ZNF451: variants seen among roughly 807,000 people sequenced by gnomAD.
The protein encoded by ZNF451 is zinc finger protein 451.
In ZNF451, 80 loss-of-function variants were observed where a neutral mutation model predicts 107.1. The observed-to-expected ratio is 0.75, with a 90% CI of 0.62 to 0.90. The LOEUF is 0.90. Among genes scored for constraint, ZNF451 ranks in the 40% least tolerant of loss-of-function variants. The probability of loss-of-function intolerance (pLI) is 0.00; values close to 1 mark genes in which losing one functional copy is unlikely to be tolerated. For synonymous variants in ZNF451, 362 were observed against 406.5 expected (o/e 0.89, Z 1.32); for missense variants, 1,107 against 1,236.2 (o/e 0.90, Z 1.57).
At chr6:57,141,889 A>G in intron 8 of ZNF451, 59 bp from the exon 9 acceptor site, 1 of 1,456,448 alleles carries the variant, frequency 6.9e-7, no homozygotes, top group Admixed American at 1.8e-5. Context: ...GAGGGGAGGA[A>G]GGTTGGGTTA....
intron 3 of ZNF451, among the ~76,000 whole-genome samples, chr6:57,111,415 C>T (rs1830109658): frequency 6.6e-6 from 1 of 150,492 alleles, no homozygotes; most frequent in Non-Finnish European, 1.5e-5. Flanking sequence ...GAGTCTCACT[C>T]TGTCGCTGAG....
chr6:57,157,278 T>C (rs1365765244), intron 13 of ZNF451, among the ~76,000 whole-genome samples: 3 of 152,212 alleles, frequency 2.0e-5, no homozygotes, highest in Non-Finnish European at 2.9e-5. Flanking sequence ...AATATTGTTA[T>C]CAGAATCGAT....
chr6:57,099,843 G>A (rs918454407), intron 3 of ZNF451, among the ~76,000 whole-genome samples: 17 of 152,184 alleles, frequency 1.1e-4, no homozygotes, highest in Non-Finnish European at 2.1e-4. Context: ...GTTCAGAGTG[G>A]CCACAAACTT....
In ZNF451 at chr6:57,148,428, TGAG is replaced by T. The variant is rs771994889; in HGVS notation, c.2350_2352del (p.Glu784del). 15 of 1,613,912 alleles carry T rather than the reference TGAG, an allele frequency of 9.3e-6. 2 individuals carry two copies. In the South Asian group the frequency reaches 1.1e-4, roughly 12 times the overall value. On this transcript the variant is annotated inframe_deletion, in exon 10 of 15. Coordinates refer to ENST00000370706, the MANE Select transcript of ZNF451 (RefSeq NM_001031623.3). ...ATCAAGTGCACAAAGAAAAGAGTGA[TGAG>T]GAGGAGCAGCAGTATGTAATCAAGT...
intron 3 of ZNF451, chr6:57,105,596 C>T: frequency 1.0e-6 from 1 of 985,332 alleles, no homozygotes. Context: ...AGTATACCTC[C>T]CTCCCCCTTA....
chr6:57,119,513 G>C (rs2127955519), intron 3 of ZNF451, among the ~76,000 whole-genome samples: 1 of 152,256 alleles, frequency 6.6e-6, no homozygotes, highest in South Asian at 2.1e-4. Context: ...GACAGAGCAA[G>C]ACTCCGTCTC....
In ZNF451 at chr6:57,124,812, G is replaced by A. The variant is rs1485015061; in HGVS notation, c.265G>A (p.Val89Ile). Residue 89 changes from valine (V) to isoleucine (I), a missense_variant, in exon 4 of 15, where the codon GTT (valine) becomes ATT (isoleucine). Around this residue, in one of 5 missense-constraint regions of ZNF451, gnomAD observed 339 missense variants for 372.8 expected, o/e 0.91. Transcript: ENST00000370706. Reference sequence around the variant, plus strand: ...AACTCTGGCTCGTCTAGCCCGCCATGTTGAAGTGGAGAAACAGCAGAAAGA... The same window carrying A: ...AACTCTGGCTCGTCTAGCCCGCCATATTGAAGTGGAGAAACAGCAGAAAGA... ...ALTLARLARHVEVEKQQKEEK... is the reference protein window; with the variant it reads ...ALTLARLARHIEVEKQQKEEK... The A allele has an allele frequency of 1.2e-6, 2 of 1,611,690 alleles. No homozygotes were observed. The highest frequency in any genetic ancestry group is 1.7e-6 in the Non-Finnish European group (2 of 1,178,500).
intron 2 of ZNF451, among the ~76,000 whole-genome samples, chr6:57,093,818 T>A (rs1231961624): frequency 6.6e-6 from 1 of 152,226 alleles, no homozygotes; most frequent in East Asian, 1.9e-4. Flanking sequence ...TGTTGTTTTT[T>A]AAGGTGGGAG....
chr6:57,158,930 G>T (rs1160945643), intron 13 of ZNF451: 1 of 985,292 alleles, frequency 1.0e-6, no homozygotes, highest in Non-Finnish European at 1.2e-6. Flanking sequence ...CTTACATATA[G>T]AGCATAAACA....
chr6:57,164,850 A>C (rs1763826843), intron 14 of ZNF451: 1 of 152,210 alleles, frequency 6.6e-6, no homozygotes. Context: ...GGGAACACAG[A>C]GCTAGCCACA....
chr6:57,101,793 C>T (rs1562589806), intron 3 of ZNF451: 3 of 1,550,508 alleles, frequency 1.9e-6, no homozygotes, highest in Admixed American at 2.0e-5. Context: ...GACGGCAGGC[C>T]TGGCTTCGAC....
intron 10 of ZNF451, among the ~76,000 whole-genome samples, 169 bp downstream of exon 10, chr6:57,148,862 C>T (rs1486200407): frequency 6.6e-6 from 1 of 152,134 alleles, no homozygotes; most frequent in Non-Finnish European, 1.5e-5. Flanking sequence ...CATTTATCCA[C>T]TTTCTAAACT....
intron 3 of ZNF451, among the ~76,000 whole-genome samples, chr6:57,100,031 T>C (rs779699526): frequency 9.9e-5 from 15 of 152,208 alleles, no homozygotes; most frequent in Admixed American, 8.5e-4. Flanking sequence ...TGAAATGAGG[T>C]AACAAATTAT....
chr6:57,100,946 A>C (rs958561394), intron 3 of ZNF451: 13 of 1,551,064 alleles, frequency 8.4e-6, no homozygotes, highest in Non-Finnish European at 1.1e-5. Flanking sequence ...GCTTCACAGC[A>C]TGGACGGGAT....
intron 7 of ZNF451, among the ~76,000 whole-genome samples, chr6:57,140,195 A>G (rs1472157788): frequency 1.3e-5 from 2 of 152,224 alleles, no homozygotes; most frequent in Admixed American, 1.3e-4. Flanking sequence ...AAAAATTCAC[A>G]TAAGAACACA....
At chr6:57,122,149 C>G (rs1268908583) in intron 3 of ZNF451, among the ~76,000 whole-genome samples, 5 of 152,116 alleles carry the variant, frequency 3.3e-5, no homozygotes, top group African/African-American at 9.7e-5. Flanking sequence ...ATACTCTATT[C>G]AATAAATGAT....
intron 3 of ZNF451, chr6:57,105,679 T>G: frequency 2.0e-6 from 2 of 985,422 alleles, no homozygotes; most frequent in Non-Finnish European, 2.4e-6. Context: ...AAGGCAGCTT[T>G]GTTTTCTATA....
At chr6:57,111,433 T>C (rs1370207974) in intron 3 of ZNF451, among the ~76,000 whole-genome samples, 1 of 151,386 alleles carries the variant, frequency 6.6e-6, no homozygotes, top group Non-Finnish European at 1.5e-5. Flanking sequence ...GAGGCTAGAG[T>C]GCAGTGGTGC....
intron 5 of ZNF451, among the ~76,000 whole-genome samples, chr6:57,131,750 A>G (rs1370332915): frequency 2.0e-5 from 3 of 152,214 alleles, no homozygotes; most frequent in Non-Finnish European, 2.9e-5. Flanking sequence ...TTTGTAGAAA[A>G]TTCAATAAAG....
Sources: allele counts gnomAD v4.1 joint callset (sites outside exome capture counted in the v4.1 genomes callset), GRCh38; gene constraint gnomAD v4.1.1; regional missense constraint gnomAD v4.1.1; transcripts MANE v1.5; gene names NCBI Gene and HGNC (gene_info 2026-07-23, HGNC 2026-07-21).